The following PLEKHG3 variants were observed in gnomAD, a reference collection of about 807,000 sequenced individuals.
PLEKHG3 encodes the protein pleckstrin homology domain-containing family G member 3.
PLEKHG3 carries 62 observed loss-of-function variants against 94.9 expected under a neutral mutation model. The observed-to-expected ratio is 0.65, with a 90% CI of 0.53 to 0.81. The LOEUF (loss-of-function observed/expected upper bound fraction) is 0.81, where lower values mean the gene tolerates loss of function less well. Ranked by LOEUF, PLEKHG3 falls within the 30% of genes least tolerant of loss-of-function variation. PLEKHG3 has a pLI of 0.00. For synonymous variants in PLEKHG3, 614 were observed against 654.0 expected (o/e 0.94, Z 0.93); for missense variants, 1,461 against 1,619.3 (o/e 0.90, Z 1.68).
rs1451251051 is a variant in PLEKHG3, at chr14:64,726,476, GGCATGGGTGTT to G, written c.-39-1106_-39-1096del. ...TGGCATTGGTGAGCTCTAAGGGGTG[GGCATGGGTGTT>G]GCATGGGTGTCCCTGTCCTTCCCAA... On this transcript the variant is annotated intron_variant, in intron 1 of 16. Transcript: ENST00000247226. This position sits in a 1 kb window ranked among gnomAD's most constrained non-coding sequence, Gnocchi z 5.1. 6.6e-6 allele frequency among the ~76,000 whole-genome samples: 1 copy of G among 152,122 alleles called. No homozygotes were observed. Among genetic ancestry groups the G allele is most frequent in the Non-Finnish European group, 1.5e-5 (1 of 68,012 alleles).
Position 64,747,866 on chromosome 14 carries a change from C to T in PLEKHG3, c.*4163C>T, listed in dbSNP as rs565767903. On this transcript the variant is annotated 3_prime_UTR_variant, in exon 17 of 17. Transcript: ENST00000247226. ...ACCTAACCCTAGTTTGATACTGGGC[C>T]AGAACTGTGTTGCTTTCGGAGTAGA... 1.0e-4 allele frequency: 15 copies of T among 144,602 alleles called. No homozygotes were observed. The highest frequency in any genetic ancestry group is 3.5e-4 in the African/African-American group (14 of 39,706). The allele number at this position is 144,602 out of a possible 1,614,324, so 9.0% of individuals were successfully genotyped here.
At chr14:64,740,560 GC>G (rs770828480) in intron 15 of PLEKHG3, among the ~76,000 whole-genome samples, 1 of 152,212 alleles carries the variant, frequency 6.6e-6, no homozygotes, top group African/African-American at 2.4e-5. Flanking sequence ...AAATGAAATG[GC>G]CTCTCATGTT....
intron 1 of PLEKHG3, among the ~76,000 whole-genome samples, chr14:64,710,242 T>G (rs2081046696): frequency 6.6e-6 from 1 of 152,232 alleles, no homozygotes; most frequent in Non-Finnish European, 1.5e-5. Flanking sequence ...CACCCTTGCT[T>G]ATTTGCATGT....
intron 1 of PLEKHG3, among the ~76,000 whole-genome samples, chr14:64,708,809 AC>A (rs555031263): frequency 7.1e-6 from 1 of 140,862 alleles, no homozygotes; most frequent in Non-Finnish European, 1.5e-5. Flanking sequence ...GGCCAGTTCC[AC>A]CCCCCCGCCC....
Position 64,731,352 on chromosome 14 carries a change from C to G in PLEKHG3, c.850-9C>G. The G allele has an allele frequency of 6.2e-7, 1 of 1,611,666 alleles. No individual in the cohort carries two copies. Among genetic ancestry groups the G allele is most frequent in the Non-Finnish European group, 8.5e-7 (1 of 1,178,752 alleles). The stretch of plus-strand genomic sequence containing the variant: ...CCTGACTCTAGGGATTGGGGCCCCT[C>G]TGCTGCAGGAGATTCAGTCACTCCT... On this transcript the variant is annotated splice_polypyrimidine_tract_variant and intron_variant, in intron 7 of 16. Coordinates refer to ENST00000247226, the MANE Select transcript of PLEKHG3 (RefSeq NM_001308147.2). This position sits in a 1 kb window ranked among gnomAD's most constrained non-coding sequence, Gnocchi z 6.1.
Position 64,732,068 on chromosome 14 carries a change from G to A in PLEKHG3, c.1126-27G>A. The A allele has an allele frequency of 6.5e-7, 1 of 1,530,390 alleles. No homozygotes were observed. The highest frequency in any genetic ancestry group is 9.1e-7 in the Non-Finnish European group (1 of 1,103,674). 94.8% of individuals were successfully genotyped at this position (1,530,390 alleles called of 1,614,324 possible). On this transcript the variant is annotated intron_variant, in intron 9 of 16. Coordinates refer to ENST00000247226, the MANE Select transcript of PLEKHG3 (RefSeq NM_001308147.2). This position sits in a 1 kb window ranked among gnomAD's most constrained non-coding sequence, Gnocchi z 4.9. ...CTTCAGGCCTGTAATGATAACCACTGGGTCCCTTTCCCTTGGGTCCTCCCA... is the reference window on the plus strand; with the variant it reads ...CTTCAGGCCTGTAATGATAACCACTAGGTCCCTTTCCCTTGGGTCCTCCCA...
At position 64,738,102 on chromosome 14, in the gene PLEKHG3, G is replaced by GAGGAGC. The variant is rs746334172; in HGVS notation, c.1405-634_1405-629dup. ...GCCCCCAGGCTCAGAGGAGGAGGAG[G>GAGGAGC]AGGAGCAGGAGGAGAGCCTGGCGGT... is the stretch of plus-strand genomic sequence containing the variant. On this transcript the variant is annotated intron_variant, in intron 14 of 16. Coordinates refer to ENST00000247226, the MANE Select transcript of PLEKHG3 (RefSeq NM_001308147.2). The surrounding 1 kb of genome is among the most constrained non-coding windows in gnomAD (Gnocchi z 4.8). 4.6e-6 allele frequency: 6 copies of GAGGAGC among 1,303,142 alleles called. No individual in the cohort carries two copies. In the African/African-American group the frequency reaches 9.0e-5, roughly 20 times the overall value. The allele number at this position is 1,303,142 out of a possible 1,614,324, so 80.7% of individuals were successfully genotyped here. A position where few individuals can be genotyped will look rare whatever the true frequency, so the allele number is the denominator to read the frequency against.
rs1288100718 is a variant in PLEKHG3, at chr14:64,731,291, T to C, written c.850-70T>C. 2.0e-6 allele frequency: 3 copies of C among 1,486,166 alleles called. No homozygotes were observed. Among genetic ancestry groups the C allele is most frequent in the Non-Finnish European group, 9.3e-7 (1 of 1,072,560 alleles). 92.1% of individuals were successfully genotyped at this position (1,486,166 alleles called of 1,614,324 possible). On this transcript the variant is annotated intron_variant, in intron 7 of 16. Coordinates refer to ENST00000247226, the MANE Select transcript of PLEKHG3 (RefSeq NM_001308147.2). The surrounding 1 kb of genome is among the most constrained non-coding windows in gnomAD (Gnocchi z 6.1). ...GGCAGTGGCATTGGGGGAGCCTTTG[T>C]GGCAGGGTTTGCAGAGCCTCCTAAG...
rs1003882591 is a variant in PLEKHG3, at chr14:64,738,622, A to C, written c.1405-120A>C. 8 of 751,154 alleles carry C rather than the reference A, an allele frequency of 1.1e-5. No homozygotes were observed. Among genetic ancestry groups the C allele is most frequent in the African/African-American group, 1.0e-4 (6 of 57,160 alleles). 46.5% of individuals were successfully genotyped at this position (751,154 alleles called of 1,614,324 possible). A position where few individuals can be genotyped will look rare whatever the true frequency, so the allele number is the denominator to read the frequency against. On this transcript the variant is annotated intron_variant, in intron 14 of 16. Coordinates refer to ENST00000247226, the MANE Select transcript of PLEKHG3 (RefSeq NM_001308147.2). This position sits in a 1 kb window ranked among gnomAD's most constrained non-coding sequence, Gnocchi z 4.8. The stretch of plus-strand genomic sequence containing the variant: ...GTTGGCTCTGGAATGGCTCAGGTCC[A>C]AGACTGGCTCTCAGCTCAGCCCAGC...
rs1002364544 is a variant in PLEKHG3, at chr14:64,721,129, C to G, written c.-39-6464C>G. On this transcript the variant is annotated intron_variant, in intron 1 of 16. Coordinates refer to ENST00000247226, the MANE Select transcript of PLEKHG3 (RefSeq NM_001308147.2). This position sits in a 1 kb window ranked among gnomAD's most constrained non-coding sequence, Gnocchi z 4.3. Reference sequence around the variant, plus strand: ...GGTTGAGGGTCAGGCTGTAGATATCCTTGGGTGGGGGCATTATTCAGCTTA... The same window carrying G: ...GGTTGAGGGTCAGGCTGTAGATATCGTTGGGTGGGGGCATTATTCAGCTTA... Among the ~76,000 whole-genome samples, 1 of 152,244 alleles carries G rather than the reference C, an allele frequency of 6.6e-6. No individual in the cohort carries two copies. The highest frequency in any genetic ancestry group is 1.5e-5 in the Non-Finnish European group (1 of 68,002).
In PLEKHG3 at chr14:64,731,307, G is replaced by A; in HGVS notation, c.850-54G>A. The A allele has an allele frequency of 6.6e-7, 1 of 1,516,550 alleles. No homozygotes were observed. 93.9% of individuals were successfully genotyped at this position (1,516,550 alleles called of 1,614,324 possible). A position where few individuals can be genotyped will look rare whatever the true frequency, so the allele number is the denominator to read the frequency against. Reference sequence around the variant, plus strand: ...GAGCCTTTGTGGCAGGGTTTGCAGAGCCTCCTAAGGCCCCAGTGGCCTGAC... The same window carrying A: ...GAGCCTTTGTGGCAGGGTTTGCAGAACCTCCTAAGGCCCCAGTGGCCTGAC... On this transcript the variant is annotated intron_variant, in intron 7 of 16. Transcript: ENST00000247226. This position sits in a 1 kb window ranked among gnomAD's most constrained non-coding sequence, Gnocchi z 6.1.
Position 64,749,764 on chromosome 14 carries a change from C to G in PLEKHG3, c.*6061C>G, listed in dbSNP as rs2081915106. The G allele has an allele frequency of 1.3e-6, 2 of 1,583,492 alleles. No homozygotes were observed. The highest frequency in any genetic ancestry group is 8.6e-7 in the Non-Finnish European group (1 of 1,160,982). Reference sequence around the variant, plus strand: ...GGGGGCGCTGGGCAGAGGGCTGGCTCTGATCCCACAATACCCTGAGCCGAA... The same window carrying G: ...GGGGGCGCTGGGCAGAGGGCTGGCTGTGATCCCACAATACCCTGAGCCGAA... On this transcript the variant is annotated 3_prime_UTR_variant, in exon 17 of 17. Transcript: ENST00000247226. The surrounding 1 kb of genome is among the most constrained non-coding windows in gnomAD (Gnocchi z 4.7).
In PLEKHG3 at chr14:64,715,787, C is replaced by T. The variant is rs1008197080; in HGVS notation, c.-40+11083C>T. The stretch of plus-strand genomic sequence containing the variant: ...CCTCCCAGGGCTGTGGCCTGGGTCC[C>T]TACCCAGCGGGGACCTGCAGAATTG... On this transcript the variant is annotated intron_variant, in intron 1 of 16. Coordinates refer to ENST00000247226, the MANE Select transcript of PLEKHG3 (RefSeq NM_001308147.2). This position sits in a 1 kb window ranked among gnomAD's most constrained non-coding sequence, Gnocchi z 4.4. 3 of 336,832 alleles carry T rather than the reference C, an allele frequency of 8.9e-6. No individual in the cohort carries two copies. Among genetic ancestry groups the T allele is most frequent in the African/African-American group, 6.6e-5 (3 of 45,244 alleles). The allele number at this position is 336,832 out of a possible 1,614,324, so 20.9% of individuals were successfully genotyped here.
chr14:64,725,594 A>G lies in PLEKHG3; in HGVS notation c.-39-1999A>G, dbSNP rs1480293375. On this transcript the variant is annotated intron_variant, in intron 1 of 16. Coordinates refer to ENST00000247226, the MANE Select transcript of PLEKHG3 (RefSeq NM_001308147.2). This position sits in a 1 kb window ranked among gnomAD's most constrained non-coding sequence, Gnocchi z 5.0. ...GGGAGGAAAAAGCAACAGCCCTACA[A>G]TTCCCAGGGGGCTCTCTTCTGAGCA... is the stretch of plus-strand genomic sequence containing the variant. 6.6e-6 allele frequency among the ~76,000 whole-genome samples: 1 copy of G among 152,186 alleles called. No individual in the cohort carries two copies. Among genetic ancestry groups the G allele is most frequent in the Non-Finnish European group, 1.5e-5 (1 of 68,034 alleles).
rs1311222160 is a variant in PLEKHG3, at chr14:64,742,112, C to G, written c.2595C>G (p.Ser865=). The change falls in exon 16 of 17, where the codon TCC becomes TCG. Residue 865 remains serine (S), a synonymous_variant. Transcript: ENST00000247226. Reference sequence around the variant, plus strand: ...TCACAGAGGAGTCGGCCACTGCCTCCCCGGAAAGCTCCTCTCCCACTGAGG... The same window carrying G: ...TCACAGAGGAGTCGGCCACTGCCTCGCCGGAAAGCTCCTCTCCCACTGAGG... ...GAITEESATA[S]PESSSPTEGR... The G allele has an allele frequency of 3.7e-6, 6 of 1,610,438 alleles. No individual in the cohort carries two copies. The highest frequency in any genetic ancestry group is 5.1e-6 in the Non-Finnish European group (6 of 1,179,834).
rs1161741032 is a variant in PLEKHG3 at position 64,749,328 on chromosome 14, C to T, written c.*5625C>T. On this transcript the variant is annotated 3_prime_UTR_variant, in exon 17 of 17. Coordinates refer to ENST00000247226, the MANE Select transcript of PLEKHG3 (RefSeq NM_001308147.2). The surrounding 1 kb of genome is among the most constrained non-coding windows in gnomAD (Gnocchi z 4.7). ...CTGCTACTTCTTTTTGGGGAAGAAG[C>T]TGAATCTCTTCTCCTTGTCTTTCTT... The T allele has an allele frequency of 6.2e-7, 1 of 1,608,122 alleles. No individual in the cohort carries two copies. The highest frequency in any genetic ancestry group is 8.5e-7 in the Non-Finnish European group (1 of 1,178,662).
chr14:64,719,350 C>T (rs2081224881), intron 1 of PLEKHG3, among the ~76,000 whole-genome samples: 1 of 152,092 alleles, frequency 6.6e-6, no homozygotes, highest in Non-Finnish European at 1.5e-5. Flanking sequence ...ATCACCACCA[C>T]CACCATTCTC....
chr14:64,743,359 G>A lies in PLEKHG3; in HGVS notation c.3316G>A (p.Gly1106Ser), dbSNP rs200033297. 195 of 1,607,552 alleles carry A rather than the reference G, an allele frequency of 1.2e-4. No individual in the cohort carries two copies. The highest frequency in any genetic ancestry group is 2.0e-4 in the Admixed American group (12 of 59,772). The change falls in exon 17 of 17, where the codon GGC becomes AGC. Residue 1106 changes from glycine (G) to serine (S), a missense_variant. This residue lies in a region of PLEKHG3 where 1,201 missense variants were observed against 1,295.5 expected (regional missense o/e 0.93). Coordinates refer to ENST00000247226, the MANE Select transcript of PLEKHG3 (RefSeq NM_001308147.2). The surrounding 1 kb of genome is among the most constrained non-coding windows in gnomAD (Gnocchi z 7.2). The part of the protein sequence containing the change: ...GRCRSLSTKR[G>S]RGGGEAAQSP... ...CTGCCGCAGCCTGAGCACCAAGAGG[G>A]GCCGGGGAGGCGGAGAGGCTGCCCA...
At chr14:64,736,821 C>T (rs200060420) in intron 12 of PLEKHG3, 32 bp from the exon 13 acceptor site, 41 of 1,582,980 alleles carry the variant, frequency 2.6e-5, no homozygotes, top group South Asian at 1.1e-4. Context: ...TTTCCTGGCC[C>T]GCGCTGACTC....
Sources: gnomAD v4.1 joint callset for allele counts (sites outside exome capture counted in the v4.1 genomes callset) on GRCh38, gnomAD v4.1.1 for gene constraint, gnomAD v4.1.1 regional missense constraint, Gnocchi (gnomAD v3.1) non-coding constraint, MANE v1.5 for transcripts, NCBI Gene and HGNC (gene_info 2026-07-23, HGNC 2026-07-21) for gene names.